Variants in FOXP1 observed in about 807,000 individuals in gnomAD.
FOXP1 encodes forkhead box P1, also known as forkhead box protein P1.
FOXP1 carries 15 observed loss-of-function variants against 98.2 expected under a neutral mutation model. That is an observed-to-expected ratio of 0.15 (90% CI 0.10 to 0.24). FOXP1 has a LOEUF of 0.24. FOXP1 is among the 10% of genes least tolerant of loss of function. FOXP1 has a pLI of 1.00. For missense variants in FOXP1, 633 were observed against 848.5 expected (o/e 0.75, Z 3.15); for synonymous variants, 371 against 314.5 (o/e 1.18, Z -1.90).
chr3:70,980,190 G>T (rs888247186), intron 14 of FOXP1, among the ~76,000 whole-genome samples: 4 of 152,094 alleles, frequency 2.6e-5, no homozygotes, highest in Non-Finnish European at 5.9e-5. Context: ...AAGCCAAGGG[G>T]GGAAGAGTTG....
intron 5 of FOXP1, among the ~76,000 whole-genome samples, chr3:71,228,311 C>G (rs887446692): frequency 6.6e-6 from 1 of 151,186 alleles, no homozygotes; most frequent in African/African-American, 2.4e-5. Flanking sequence ...AAAGACATGA[C>G]AAGCCATAAA....
intron 20 of FOXP1, among the ~76,000 whole-genome samples, chr3:70,962,388 A>G (rs2033758812): frequency 6.6e-6 from 1 of 152,230 alleles, no homozygotes; most frequent in South Asian, 2.1e-4. Flanking sequence ...AGCAAAGGCC[A>G]AAACATCTTT....
intron 3 of FOXP1, among the ~76,000 whole-genome samples, chr3:71,466,330 C>T (rs1395460639): frequency 1.3e-5 from 2 of 152,132 alleles, no homozygotes; most frequent in African/African-American, 4.8e-5. Flanking sequence ...AACAACTTTC[C>T]CCAGCTATTT....
At chr3:71,138,752 G>A (rs2059932619) in intron 6 of FOXP1, among the ~76,000 whole-genome samples, 2 of 152,306 alleles carry the variant, frequency 1.3e-5, no homozygotes, top group South Asian at 4.1e-4. Flanking sequence ...TAGCTGCTAT[G>A]TGATAGGAGC....
chr3:71,492,533 A>G (rs1309722737), intron 3 of FOXP1, among the ~76,000 whole-genome samples: 1 of 152,074 alleles, frequency 6.6e-6, no homozygotes. Flanking sequence ...AACTCCCAAT[A>G]CAGTGCCCTT....
At chr3:71,088,566 T>C (rs964588370) in intron 7 of FOXP1, among the ~76,000 whole-genome samples, 1 of 152,180 alleles carries the variant, frequency 6.6e-6, no homozygotes, top group Non-Finnish European at 1.5e-5. Context: ...GAACAGTCTA[T>C]TTGAGTTGCG....
chr3:71,461,631 T>G (rs950358935), intron 3 of FOXP1, among the ~76,000 whole-genome samples: 12 of 151,674 alleles, frequency 7.9e-5, no homozygotes, highest in African/African-American at 2.9e-4. Context: ...TGAAACCCCG[T>G]CTCTACTAAA....
intron 6 of FOXP1, among the ~76,000 whole-genome samples, chr3:71,147,327 G>A (rs1475233241): frequency 6.6e-6 from 1 of 152,042 alleles, no homozygotes; most frequent in Non-Finnish European, 1.5e-5. Context: ...TCAAAGATGG[G>A]GTCTTGTCCA....
intron 6 of FOXP1, among the ~76,000 whole-genome samples, chr3:71,144,336 A>G (rs147454319): frequency 3.9e-5 from 6 of 152,242 alleles, no homozygotes; most frequent in African/African-American, 1.4e-4. Flanking sequence ...GCTCTTCCCA[A>G]ACCTACAACC....
At chr3:71,452,622 A>AT (rs542723170) in intron 3 of FOXP1, among the ~76,000 whole-genome samples, 1 of 152,200 alleles carries the variant, frequency 6.6e-6, no homozygotes, top group Non-Finnish European at 1.5e-5. Context: ...CAAGGCATAC[A>AT]TTTTTTTACC....
At chr3:71,232,208 A>G (rs879286832) in intron 5 of FOXP1, among the ~76,000 whole-genome samples, 1 of 152,262 alleles carries the variant, frequency 6.6e-6, no homozygotes, top group Non-Finnish European at 1.5e-5. Flanking sequence ...ATATCTCATC[A>G]GCCAATTTCA....
At chr3:71,441,454 G>A (rs1319890140) in intron 3 of FOXP1, among the ~76,000 whole-genome samples, 1 of 152,198 alleles carries the variant, frequency 6.6e-6, no homozygotes, top group Non-Finnish European at 1.5e-5. Context: ...AGCAGTTCAG[G>A]CATCTTGTTT....
intron 11 of FOXP1, among the ~76,000 whole-genome samples, chr3:71,033,147 C>T (rs1353990970): frequency 6.6e-6 from 1 of 152,156 alleles, no homozygotes; most frequent in Non-Finnish European, 1.5e-5. Flanking sequence ...GGGACACAGG[C>T]CTTTCCACTC....
chr3:71,507,875 C>A (rs1255203065), intron 2 of FOXP1, among the ~76,000 whole-genome samples: 3 of 152,202 alleles, frequency 2.0e-5, no homozygotes, highest in African/African-American at 7.2e-5. Context: ...CAATACCCAG[C>A]CCAAAACTGC....
chr3:71,378,350 C>G (rs1362049248), intron 3 of FOXP1, among the ~76,000 whole-genome samples: 1 of 150,730 alleles, frequency 6.6e-6, no homozygotes, highest in Non-Finnish European at 1.5e-5. Flanking sequence ...CTGTTATCCA[C>G]GGGTTGTGCT....
At chr3:71,281,170 C>T (rs2071519664) in intron 5 of FOXP1, among the ~76,000 whole-genome samples, 1 of 151,404 alleles carries the variant, frequency 6.6e-6, no homozygotes, top group Non-Finnish European at 1.5e-5. Context: ...TTCAAGGCTG[C>T]AGTGAGCTAT....
chr3:71,347,884 C>CAA (rs2077471653), intron 4 of FOXP1, among the ~76,000 whole-genome samples: 1 of 81,128 alleles, frequency 1.2e-5, no homozygotes, highest in African/African-American at 3.3e-5. Context: ...AACTCTGTCT[C>CAA]ACAAAAAAAA....
rs766384570 is a variant in FOXP1 at position 71,041,370 on chromosome 3, G to C, written c.827C>G (p.Ser276Cys). 1.7e-5 allele frequency: 28 copies of C among 1,613,752 alleles called. No homozygotes were observed. The highest frequency in any genetic ancestry group is 2.4e-5 in the Non-Finnish European group (28 of 1,179,784). ...KTSLIMNPHA[S>C]TNGQLSVHTP... ...GTGGACTGAGAGCTGTCCATTGGTAGAGGCATGTGGGTTCATTATTAAGGA... is the reference window on the plus strand; with the variant it reads ...GTGGACTGAGAGCTGTCCATTGGTACAGGCATGTGGGTTCATTATTAAGGA... The change falls in exon 11 of 21, where the codon TCT becomes TGT. Residue 276 changes from serine (S) to cysteine (C), a missense_variant. This residue lies in a region of FOXP1 where 210 missense variants were observed against 270.6 expected (regional missense o/e 0.78). Coordinates refer to ENST00000649528, the MANE Select transcript of FOXP1 (RefSeq NM_001349338.3).
chr3:71,268,613 G>A (rs565625039), intron 5 of FOXP1, among the ~76,000 whole-genome samples: 13 of 152,318 alleles, frequency 8.5e-5, no homozygotes, highest in South Asian at 6.2e-4. Context: ...CTGACCAAGT[G>A]ATAAGACAGG....
Sources: gnomAD v4.1 joint callset for allele counts (sites outside exome capture counted in the v4.1 genomes callset) on GRCh38, gnomAD v4.1.1 for gene constraint, gnomAD v4.1.1 regional missense constraint, MANE v1.5 for transcripts, NCBI Gene and HGNC (gene_info 2026-07-23, HGNC 2026-07-21) for gene names.